The following LMNTD1 variants were observed in gnomAD, a reference collection of about 807,000 sequenced individuals.
The protein encoded by LMNTD1 is lamin tail domain containing 1.
A neutral mutation model predicts 50.9 loss-of-function variants in LMNTD1; 35 were observed. The observed-to-expected ratio is 0.69, with a 90% CI of 0.53 to 0.91. LMNTD1 has a LOEUF of 0.91. LMNTD1 is among the 40% of genes least tolerant of loss of function. The pLI is 0.00. For missense variants in LMNTD1, 470 were observed against 475.5 expected, an observed-to-expected ratio of 0.99 and a Z score of 0.11; for synonymous variants, 153 against 161.9, an observed-to-expected ratio of 0.94 and a Z score of 0.42.
At chr12:25,621,851 G>A (rs1341365849) in intron 1 of LMNTD1, among the ~76,000 whole-genome samples, 1 of 151,954 alleles carries the variant, frequency 6.6e-6, no homozygotes, top group Non-Finnish European at 1.5e-5. Context: ...GAAGACTTGC[G>A]CTTTTATGCT....
At chr12:25,594,521 C>T (rs892312627) in intron 1 of LMNTD1, among the ~76,000 whole-genome samples, 21 of 151,838 alleles carry the variant, frequency 1.4e-4, no homozygotes, top group African/African-American at 2.9e-4. Context: ...TGACAGAATT[C>T]GCCACTACCA....
chr12:25,590,351 T>C (rs1488330133), intron 1 of LMNTD1, among the ~76,000 whole-genome samples: 1 of 152,114 alleles, frequency 6.6e-6, no homozygotes, highest in East Asian at 1.9e-4. Flanking sequence ...AGAGAGCAAT[T>C]AAAGTAGCCT....
intron 4 of LMNTD1, among the ~76,000 whole-genome samples, chr12:25,538,679 A>C (rs1417931050): frequency 8.1e-6 from 1 of 123,426 alleles, no homozygotes; most frequent in African/African-American, 2.9e-5. Context: ...CGAGCAAAAT[A>C]ACCAGCTAAC....
intron 1 of LMNTD1, among the ~76,000 whole-genome samples, chr12:25,594,330 A>G (rs1363445181): frequency 6.6e-6 from 1 of 152,196 alleles, no homozygotes; most frequent in Non-Finnish European, 1.5e-5. Flanking sequence ...CAGGTATCCT[A>G]TAAAGGACAA....
chr12:25,620,040 T>C (rs1318104398), intron 1 of LMNTD1, among the ~76,000 whole-genome samples: 2 of 152,236 alleles, frequency 1.3e-5, no homozygotes, highest in African/African-American at 4.8e-5. Flanking sequence ...TATGTGACCA[T>C]GTTATTCCAT....
intron 1 of LMNTD1, among the ~76,000 whole-genome samples, chr12:25,622,834 A>C (rs757306904): frequency 6.6e-6 from 1 of 151,166 alleles, no homozygotes; most frequent in Non-Finnish European, 1.5e-5. Context: ...TAGATGTTTG[A>C]AGTCTGATGT....
intron 4 of LMNTD1, among the ~76,000 whole-genome samples, chr12:25,533,285 C>T: frequency 6.6e-6 from 1 of 152,068 alleles, no homozygotes; most frequent in East Asian, 1.9e-4. Flanking sequence ...AGGAAAGTGA[C>T]CTGAGACCTC....
At chr12:25,574,687 T>C (rs995039511) in intron 1 of LMNTD1, among the ~76,000 whole-genome samples, 107 of 152,180 alleles carry the variant, frequency 7.0e-4, no homozygotes, top group Admixed American at 2.2e-3. Flanking sequence ...CTATATTTCA[T>C]TACCGTTGTT....
chr12:25,610,636 G>A (rs1180551620), intron 1 of LMNTD1, among the ~76,000 whole-genome samples: 1 of 152,176 alleles, frequency 6.6e-6, no homozygotes, highest in East Asian at 1.9e-4. Context: ...CAGGAGAAAG[G>A]CAATGAGAGG....
chr12:25,635,252 G>GAAAAAAAAAAAAAAAAAAAAAAAAAAA (rs61645838), intron 1 of LMNTD1, among the ~76,000 whole-genome samples: 1 of 128,064 alleles, frequency 7.8e-6, no homozygotes, highest in Non-Finnish European at 1.6e-5. Flanking sequence ...AAAAAAAAAA[G>GAAAAAAAAAAAAAAAAAAAAAAAAAAA]AAAAAAAAAA....
At chr12:25,557,811 T>C (rs1211068050), upstream of LMNTD1, among the ~76,000 whole-genome samples, 1 of 152,194 alleles carries the variant, frequency 6.6e-6, no homozygotes, top group Non-Finnish European at 1.5e-5. Flanking sequence ...AATTTTGAGG[T>C]TTCCTATTGA....
chr12:25,477,245 G>A (rs1938300323), intron 9 of LMNTD1, among the ~76,000 whole-genome samples: 1 of 152,160 alleles, frequency 6.6e-6, no homozygotes, highest in Non-Finnish European at 1.5e-5. Context: ...AAGGGAAATT[G>A]GGGCTGACAG....
chr12:25,611,769 G>T (rs2136538488), intron 1 of LMNTD1, among the ~76,000 whole-genome samples: 1 of 152,290 alleles, frequency 6.6e-6, no homozygotes, highest in South Asian at 2.1e-4. Context: ...CTTGGAAAAT[G>T]AGCCTGATCC....
intron 1 of LMNTD1, among the ~76,000 whole-genome samples, chr12:25,559,702 A>C (rs373930996): frequency 5.9e-5 from 9 of 152,198 alleles, no homozygotes; most frequent in Middle Eastern, 3.4e-3. Flanking sequence ...TCCTCTCCAG[A>C]ACCTGTTGTT....
intron 1 of LMNTD1, among the ~76,000 whole-genome samples, chr12:25,617,321 T>C (rs1028844314): frequency 6.6e-6 from 1 of 152,206 alleles, no homozygotes; most frequent in Non-Finnish European, 1.5e-5. Flanking sequence ...TGTGCAGTCT[T>C]GGGTACTATC....
At chr12:25,639,350 A>C (rs1946903141) in intron 1 of LMNTD1, among the ~76,000 whole-genome samples, 1 of 152,160 alleles carries the variant, frequency 6.6e-6, no homozygotes, top group Non-Finnish European at 1.5e-5. Context: ...TTTTTGCTAC[A>C]AGGAATACCA....
intron 2 of LMNTD1, among the ~76,000 whole-genome samples, chr12:25,550,036 TTAAC>T (rs2136243831): frequency 6.6e-6 from 1 of 152,322 alleles, no homozygotes; most frequent in African/African-American, 2.4e-5. Flanking sequence ...TTGTTGCTGC[TTAAC>T]TAACTTTTCT....
intron 9 of LMNTD1, among the ~76,000 whole-genome samples, chr12:25,498,060 C>A (rs1939167151): frequency 6.6e-6 from 1 of 152,072 alleles, no homozygotes; most frequent in South Asian, 2.1e-4. Context: ...ATACATGAAT[C>A]AATTTAAATA....
intron 8 of LMNTD1, among the ~76,000 whole-genome samples, chr12:25,516,425 C>T (rs1940782064): frequency 6.6e-6 from 1 of 152,042 alleles, no homozygotes; most frequent in Non-Finnish European, 1.5e-5. Context: ...TCAAATTTCT[C>T]TGGAAAATAA....
Sources: gnomAD v4.1 joint callset for allele counts (sites outside exome capture counted in the v4.1 genomes callset) on GRCh38, gnomAD v4.1.1 for gene constraint, MANE v1.5 for transcripts, NCBI Gene and HGNC (gene_info 2026-07-23, HGNC 2026-07-21) for gene names.